SETD4: variants seen among roughly 807,000 people sequenced by gnomAD.
SETD4 encodes SET domain containing 4, also known as SET domain-containing protein 4.
In SETD4, 46 loss-of-function variants were observed where a neutral mutation model predicts 58.3. The observed-to-expected ratio is 0.79, with a 90% CI of 0.62 to 1.01. SETD4 has a LOEUF of 1.01. Among genes scored for constraint, SETD4 ranks in the 50% least tolerant of loss-of-function variants. The pLI, the probability that SETD4 is intolerant of heterozygous loss-of-function variation, is 0.00. For missense variants in SETD4, 490 were observed against 523.3 expected, an observed-to-expected ratio of 0.94 and a Z score of 0.62; for synonymous variants, 190 against 202.6, an observed-to-expected ratio of 0.94 and a Z score of 0.53.
At chr21:36,050,293 T>C in intron 4 of SETD4, 2 of 1,603,492 alleles carry the variant, frequency 1.2e-6, no homozygotes, top group Admixed American at 3.3e-5. Context: ...CAAACAGAGA[T>C]TTTACGAGCA....
chr21:36,051,710 A>G (rs1386017088), intron 4 of SETD4, among the ~76,000 whole-genome samples: 1 of 152,128 alleles, frequency 6.6e-6, no homozygotes, highest in African/African-American at 2.4e-5. Flanking sequence ...TTGTTTTTGT[A>G]CAAAAAAAAT....
At chr21:36,049,046 C>T (rs760600830) in intron 4 of SETD4, among the ~76,000 whole-genome samples, 3 of 152,174 alleles carry the variant, frequency 2.0e-5, no homozygotes, top group African/African-American at 7.2e-5. Context: ...ACATAACCCA[C>T]GCTTATGAGC....
intron 8 of SETD4, among the ~76,000 whole-genome samples, chr21:36,041,084 C>T (rs371182929): frequency 5.1e-4 from 73 of 143,352 alleles, no homozygotes; most frequent in African/African-American, 1.6e-3. Context: ...GGCGTGAACC[C>T]GGGAGGCAGA....
chr21:36,046,161 C>T (rs2064318894), intron 5 of SETD4, 150 bp from the exon 6 acceptor site: 1 of 798,008 alleles, frequency 1.3e-6, no homozygotes, highest in African/African-American at 1.7e-5. Flanking sequence ...TCCTTCCTTC[C>T]TTAAGGCTCT....
intron 4 of SETD4, chr21:36,050,622 G>T: frequency 1.2e-6 from 2 of 1,611,540 alleles, no homozygotes; most frequent in Non-Finnish European, 1.7e-6. Flanking sequence ...TTTCTCTTAT[G>T]GTGGCCATGA....
intron 4 of SETD4, among the ~76,000 whole-genome samples, chr21:36,049,814 C>T (rs150083289): frequency 6.9e-4 from 105 of 152,286 alleles, no homozygotes; most frequent in Non-Finnish European, 1.2e-3. Context: ...TTTGAATGTA[C>T]ATGTGAAACA....
chr21:36,041,838 T>C lies in SETD4; in HGVS notation c.952A>G (p.Ile318Val). The change falls in exon 8 of 12, where the codon ATT becomes GTT. Residue 318 changes from isoleucine to valine, a missense_variant. Physicochemically the swap from Ile to Val is conservative, Grantham distance 29. Transcript: ENST00000332131. ...TAGCCATGATCCTTTAAAATAGAAA[T>C]CTTTTTGTCCATCTGTTTATCTGTT... ...PSTDKQMDKK[I>V]SILKDHGYIE... The C allele has an allele frequency of 1.3e-6, 2 of 1,482,862 alleles. No homozygotes were observed. Among genetic ancestry groups the C allele is most frequent in the African/African-American group, 1.4e-5 (1 of 71,270 alleles). 91.9% of individuals were successfully genotyped at this position (1,482,862 alleles called of 1,614,324 possible). A position where few individuals can be genotyped will look rare whatever the true frequency, so the allele number is the denominator to read the frequency against.
intron 3 of SETD4, among the ~76,000 whole-genome samples, chr21:36,055,110 ACTC>A (rs1022712624): frequency 2.0e-4 from 30 of 152,190 alleles, no homozygotes; most frequent in African/African-American, 6.7e-4. Flanking sequence ...GTGCTCCAGA[ACTC>A]CTCCTAGAAT....
chr21:36,038,207 G>A lies in SETD4; in HGVS notation c.1131C>T (p.Asp377=), dbSNP rs374369881. Residue 377 remains aspartate (D), a synonymous_variant, in exon 10 of 12, where the codon GAC becomes GAT. Coordinates refer to ENST00000332131, the MANE Select transcript of SETD4 (RefSeq NM_017438.5). ...AATAATAGCATATTTTCTGGGCTAT[G>A]TCCAAACTTGTCTTCTCATTCGTAT... is the stretch of plus-strand genomic sequence containing the variant. ...ISDTNEKTSL[D]IAQKICYYFI... The A allele has an allele frequency of 1.9e-6, 3 of 1,613,946 alleles. No homozygotes were observed. The highest frequency in any genetic ancestry group is 2.7e-5 in the African/African-American group (2 of 74,892).
intron 2 of SETD4, 62 bp from the exon 3 acceptor site, chr21:36,057,266 T>C (rs1005158691): frequency 3.4e-6 from 4 of 1,183,688 alleles, no homozygotes; most frequent in Non-Finnish European, 5.1e-6. Flanking sequence ...TTACCATTTT[T>C]AAAAGAACAT....
At chr21:36,037,813 T>C (rs1047947015) in intron 10 of SETD4, among the ~76,000 whole-genome samples, 8 of 151,710 alleles carry the variant, frequency 5.3e-5, no homozygotes, top group African/African-American at 1.5e-4. Flanking sequence ...CTGGCCAACA[T>C]GGTGAAACCC....
At chr21:36,053,509 T>G in intron 4 of SETD4, 74 bp downstream of exon 4, 1 of 1,486,672 alleles carries the variant, frequency 6.7e-7, no homozygotes, top group Non-Finnish European at 9.4e-7. Context: ...TTTTTTTAAT[T>G]CACTTCGTTT....
At chr21:36,051,403 C>A (rs2064677924) in intron 4 of SETD4, 1 of 1,470,898 alleles carries the variant, frequency 6.8e-7, no homozygotes, top group Admixed American at 2.3e-5. Context: ...ACCAACAAAA[C>A]CCTTGTAAAA....
chr21:36,037,866 G>T (rs2063857207), intron 10 of SETD4, among the ~76,000 whole-genome samples: 1 of 151,742 alleles, frequency 6.6e-6, no homozygotes, highest in Admixed American at 6.6e-5. Flanking sequence ...CATGGTGGCG[G>T]GTGCCTGTAA....
At chr21:36,053,551 T>C (rs200711955) in intron 4 of SETD4, 32 bp downstream of exon 4, 39 of 1,612,444 alleles carry the variant, frequency 2.4e-5, no homozygotes, top group African/African-American at 4.0e-5. Flanking sequence ...AAAATCTACA[T>C]TGGGTTTCAA....
At chr21:36,045,212 T>C (rs2064251891) in intron 6 of SETD4, among the ~76,000 whole-genome samples, 2 of 152,120 alleles carry the variant, frequency 1.3e-5, no homozygotes, top group African/African-American at 4.8e-5. Context: ...CTGTGACAGC[T>C]ACAACACCAG....
In SETD4 at chr21:36,048,105, A is replaced by AAGGC. The variant is rs375449897; in HGVS notation, c.296+199_296+202dup. On this transcript the variant is annotated intron_variant, in intron 5 of 11. Coordinates refer to ENST00000332131, the MANE Select transcript of SETD4 (RefSeq NM_017438.5). ...GGAAGGAGGGAGGGAGGGAGGGAGG[A>AAGGC]AGGCAGGCAGGCAGGCAGGCAGGAA... 3.0e-4 allele frequency among the ~76,000 whole-genome samples: 43 copies of AAGGC among 145,570 alleles called. No individual in the cohort carries two copies. In the East Asian group the frequency reaches 4.6e-3, roughly 16 times the overall value.
At chr21:36,051,256 G>A in intron 4 of SETD4, 1 of 1,601,708 alleles carries the variant, frequency 6.2e-7, no homozygotes, top group South Asian at 1.1e-5. Context: ...ATAAGTGCAA[G>A]TTCCAGCTCT....
chr21:36,058,748 G>A (rs1286086232), intron 2 of SETD4, 68 bp downstream of exon 2: 22 of 1,492,894 alleles, frequency 1.5e-5, no homozygotes, highest in African/African-American at 4.3e-5. Context: ...GAAAAGCTAC[G>A]TATGAACAAA....
Sources: allele counts gnomAD v4.1 joint callset (sites outside exome capture counted in the v4.1 genomes callset), GRCh38; gene constraint gnomAD v4.1.1; transcripts MANE v1.5; gene names NCBI Gene and HGNC (gene_info 2026-07-23, HGNC 2026-07-21).